The following SPAG16 variants were observed in gnomAD, a reference collection of about 807,000 sequenced individuals.
SPAG16 encodes sperm-associated antigen 16 protein.
In SPAG16, 86 loss-of-function variants were observed where a neutral mutation model predicts 80.4. The ratio of observed to expected loss-of-function variants is 1.07; its 90% CI spans 0.90 to 1.28. The LOEUF (loss-of-function observed/expected upper bound fraction) is 1.28, where lower values mean the gene tolerates loss of function less well. SPAG16 is among the 50% of genes most tolerant of loss of function. The pLI is 0.00. For missense variants in SPAG16, 870 were observed against 765.3 expected, an observed-to-expected ratio of 1.14 and a Z score of -1.61; for synonymous variants, 294 against 265.9, an observed-to-expected ratio of 1.11 and a Z score of -1.03.
At chr2:213,943,713 T>A (rs1456869027) in intron 12 of SPAG16, among the ~76,000 whole-genome samples, 1 of 152,070 alleles carries the variant, frequency 6.6e-6, no homozygotes, top group East Asian at 1.9e-4. Flanking sequence ...AAAGAAGGAA[T>A]CATTAAGCAA....
intron 13 of SPAG16, among the ~76,000 whole-genome samples, chr2:214,018,381 G>C (rs1205235571): frequency 6.6e-6 from 1 of 152,118 alleles, no homozygotes; most frequent in Non-Finnish European, 1.5e-5. Context: ...GGAATTGTTA[G>C]TTGTTTTTTA....
intron 11 of SPAG16, among the ~76,000 whole-genome samples, chr2:213,911,158 G>A (rs900703351): frequency 6.6e-5 from 10 of 152,002 alleles, no homozygotes; most frequent in African/African-American, 2.2e-4. Flanking sequence ...TTTTTGTTTT[G>A]TTTTGTTTGA....
At chr2:213,867,576 A>G (rs1051714205) in intron 11 of SPAG16, among the ~76,000 whole-genome samples, 6 of 152,202 alleles carry the variant, frequency 3.9e-5, no homozygotes, top group Non-Finnish European at 7.3e-5. Context: ...ACATATGTTC[A>G]ATAAATGTTA....
chr2:214,089,877 AT>A (rs2052051951), intron 13 of SPAG16, among the ~76,000 whole-genome samples: 1 of 152,034 alleles, frequency 6.6e-6, no homozygotes, highest in African/African-American at 2.4e-5. Context: ...TATTCTAAAT[AT>A]TTACTAAATA....
chr2:213,793,685 G>A (rs2070843732), intron 10 of SPAG16, among the ~76,000 whole-genome samples: 1 of 152,172 alleles, frequency 6.6e-6, no homozygotes, highest in Non-Finnish European at 1.5e-5. Flanking sequence ...TCTAAAAGAT[G>A]TTAAATGAAT....
At chr2:213,376,615 C>A (rs921081663) in intron 9 of SPAG16, among the ~76,000 whole-genome samples, 1 of 151,680 alleles carries the variant, frequency 6.6e-6, no homozygotes, top group African/African-American at 2.4e-5. Flanking sequence ...TTTAATAATT[C>A]ACTTCACATG....
chr2:213,442,009 GT>G (rs1303876420), intron 9 of SPAG16, among the ~76,000 whole-genome samples: 1 of 152,176 alleles, frequency 6.6e-6, no homozygotes, highest in African/African-American at 2.4e-5. Flanking sequence ...AAAGTTAGCC[GT>G]AGTGGCACAT....
intron 10 of SPAG16, among the ~76,000 whole-genome samples, chr2:213,793,856 A>G (rs948258896): frequency 6.6e-6 from 1 of 152,134 alleles, no homozygotes; most frequent in East Asian, 1.9e-4. Flanking sequence ...ATCTACCTAT[A>G]TAATTTATTA....
At chr2:213,285,801 G>C (rs2126040407) in intron 1 of SPAG16, 1 of 807,762 alleles carries the variant, frequency 1.2e-6, no homozygotes, top group East Asian at 6.4e-5. Context: ...CATAAATGAG[G>C]TTTTATACTG....
At chr2:213,979,619 G>T (rs899219965) in intron 12 of SPAG16, among the ~76,000 whole-genome samples, 1 of 152,002 alleles carries the variant, frequency 6.6e-6, no homozygotes, top group Non-Finnish European at 1.5e-5. Context: ...CATGAGAACA[G>T]CATGGGGGAA....
rs116207559 is a variant in SPAG16, at chr2:213,302,927, T to C, written c.279+5570T>C. Among the ~76,000 whole-genome samples the C allele has an allele frequency of 8.4e-3, 1,283 of 152,182 alleles. 7 individuals are homozygous for C. The highest frequency in any genetic ancestry group is 0.015 in the Non-Finnish European group (999 of 67,942). On this transcript the variant is annotated intron_variant, in intron 3 of 15. Transcript: ENST00000331683. ...CCATAAGTGTCTTTAGAAATGAGAA[T>C]AGATACACCCTCCTGCTGTCTGTCT...
chr2:214,277,589 C>G (rs1053530300), intron 15 of SPAG16, among the ~76,000 whole-genome samples: 3 of 149,580 alleles, frequency 2.0e-5, no homozygotes, highest in African/African-American at 7.3e-5. Flanking sequence ...CCACTCCAGA[C>G]CCTGTTTGCC....
intron 12 of SPAG16, among the ~76,000 whole-genome samples, chr2:213,954,276 TC>T (rs2044005711): frequency 6.6e-6 from 1 of 152,012 alleles, no homozygotes; most frequent in South Asian, 2.1e-4. Flanking sequence ...ATAAATGGAA[TC>T]ATATAATATG....
intron 10 of SPAG16, among the ~76,000 whole-genome samples, chr2:213,652,220 T>C (rs2063049628): frequency 6.6e-6 from 1 of 152,224 alleles, no homozygotes; most frequent in African/African-American, 2.4e-5. Flanking sequence ...CTGATATTTA[T>C]AAAGTGTTCA....
intron 10 of SPAG16, among the ~76,000 whole-genome samples, chr2:213,838,063 G>A (rs2074181960): frequency 6.6e-6 from 1 of 151,980 alleles, no homozygotes; most frequent in Non-Finnish European, 1.5e-5. Flanking sequence ...TCTTACGGTT[G>A]TAAGATGTGG....
intron 9 of SPAG16, among the ~76,000 whole-genome samples, chr2:213,488,430 A>G (rs1461634497): frequency 6.6e-6 from 1 of 152,178 alleles, no homozygotes; most frequent in African/African-American, 2.4e-5. Context: ...GCTTTAAGGA[A>G]ATACTTAGTG....
chr2:213,687,250 T>A (rs994755025), intron 10 of SPAG16, among the ~76,000 whole-genome samples: 1 of 152,170 alleles, frequency 6.6e-6, no homozygotes, highest in Admixed American at 6.5e-5. Flanking sequence ...TCATGCATAT[T>A]ATTGTATATA....
At chr2:213,927,220 C>T (rs2078521302) in intron 11 of SPAG16, among the ~76,000 whole-genome samples, 1 of 152,180 alleles carries the variant, frequency 6.6e-6, no homozygotes, top group Non-Finnish European at 1.5e-5. Context: ...GAGGCCCTAC[C>T]TCCGAATACT....
intron 15 of SPAG16, among the ~76,000 whole-genome samples, chr2:214,382,308 G>A (rs1470385962): frequency 6.6e-6 from 1 of 152,188 alleles, no homozygotes; most frequent in Non-Finnish European, 1.5e-5. Flanking sequence ...CCTGCATAAT[G>A]GCTTTTTGTT....
Sources: gnomAD v4.1 joint callset for allele counts (sites outside exome capture counted in the v4.1 genomes callset) on GRCh38, gnomAD v4.1.1 for gene constraint, MANE v1.5 for transcripts, NCBI Gene and HGNC (gene_info 2026-07-23, HGNC 2026-07-21) for gene names.